ACBD6: variants seen among roughly 807,000 people sequenced by gnomAD.
ACBD6 encodes acyl-CoA binding domain containing 6.
In ACBD6, 28 loss-of-function variants were observed where a neutral mutation model predicts 37.2. That is an observed-to-expected ratio of 0.75 (90% confidence interval 0.56 to 1.03). The LOEUF is 1.03. Ranked by LOEUF, ACBD6 falls within the 50% of genes least tolerant of loss-of-function variation. ACBD6 has a pLI of 0.00. For missense variants in ACBD6, 340 were observed against 337.4 expected (o/e 1.01, Z -0.06); for synonymous variants, 113 against 126.8 (o/e 0.89, Z 0.73).
chr1:180,385,129 T>C (rs910639626), intron 6 of ACBD6, among the ~76,000 whole-genome samples: 7 of 151,990 alleles, frequency 4.6e-5, no homozygotes, highest in Admixed American at 4.6e-4. Flanking sequence ...GCATTGTATA[T>C]TTCAAGGCAG....
intron 6 of ACBD6, among the ~76,000 whole-genome samples, chr1:180,353,918 T>C (rs1377938634): frequency 6.6e-6 from 1 of 152,084 alleles, no homozygotes; most frequent in African/African-American, 2.4e-5. Context: ...CTCCCTTTCA[T>C]CCACACTTTT....
At chr1:180,480,876 C>G (rs893003744) in intron 3 of ACBD6, among the ~76,000 whole-genome samples, 2 of 151,946 alleles carry the variant, frequency 1.3e-5, no homozygotes, top group East Asian at 1.9e-4. Context: ...ACTGAAAATA[C>G]AAAAATTAAC....
chr1:180,435,074 G>C, intron 3 of ACBD6: 1 of 802,156 alleles, frequency 1.2e-6, no homozygotes, highest in Non-Finnish European at 2.3e-6. Context: ...CACATGATCT[G>C]AAGCTTACCT....
chr1:180,440,295 G>C (rs2102012097), intron 3 of ACBD6, among the ~76,000 whole-genome samples: 1 of 152,094 alleles, frequency 6.6e-6, no homozygotes, highest in Middle Eastern at 3.4e-3. Flanking sequence ...TTTTAGTAGA[G>C]ATGGGGTTGC....
intron 4 of ACBD6, among the ~76,000 whole-genome samples, chr1:180,423,609 GA>G (rs138892505): frequency 0.014 from 2,182 of 151,846 alleles, 64 homozygotes; most frequent in African/African-American, 0.049. Flanking sequence ...TATTGACAAA[GA>G]AAAAAATCAA....
chr1:180,402,812 A>G (rs549016178), intron 5 of ACBD6, among the ~76,000 whole-genome samples: 2 of 152,022 alleles, frequency 1.3e-5, no homozygotes, highest in African/African-American at 4.8e-5. Flanking sequence ...GAAAAAAAAA[A>G]AAATCCCTTC....
intron 9 of ACBD6, among the ~76,000 whole-genome samples, chr1:180,280,173 G>A (rs944887688): frequency 6.6e-6 from 1 of 152,178 alleles, no homozygotes; most frequent in African/African-American, 2.4e-5. Flanking sequence ...ATAGAGTCTT[G>A]TTAGGGAGAG....
downstream of ACBD6, chr1:180,287,374 C>T (rs1043706715): frequency 6.9e-6 from 1 of 145,392 alleles, no homozygotes; most frequent in Non-Finnish European, 1.5e-5. Flanking sequence ...CATACCACTG[C>T]ACTTCAGCCT....
intron 6 of ACBD6, among the ~76,000 whole-genome samples, chr1:180,369,882 GAACA>G (rs780894514): frequency 7.9e-5 from 12 of 152,114 alleles, no homozygotes; most frequent in Non-Finnish European, 1.3e-4. Context: ...AGTTTCTAGA[GAACA>G]AATAAGCATA....
At chr1:180,328,031 T>C (rs1463133616) in intron 6 of ACBD6, among the ~76,000 whole-genome samples, 2 of 152,204 alleles carry the variant, frequency 1.3e-5, no homozygotes, top group East Asian at 1.9e-4. Context: ...AAATGAGGTG[T>C]TGACGAAAAT....
chr1:180,312,054 G>A (rs1326974682), intron 7 of ACBD6, among the ~76,000 whole-genome samples: 3 of 152,126 alleles, frequency 2.0e-5, no homozygotes, highest in African/African-American at 7.2e-5. Context: ...AATTGCCTTA[G>A]ATATTCCTGG....
chr1:180,290,097 T>C (rs140793381), intron 7 of ACBD6, among the ~76,000 whole-genome samples: 415 of 152,338 alleles, frequency 2.7e-3, no homozygotes, highest in Non-Finnish European at 5.1e-3. Context: ...ACATTTTATA[T>C]ACTCTTTTGC....
intron 3 of ACBD6, among the ~76,000 whole-genome samples, chr1:180,448,239 T>A (rs1183315365): frequency 2.8e-4 from 43 of 152,214 alleles, no homozygotes; most frequent in Non-Finnish European, 5.9e-5. Flanking sequence ...AAGCACATAT[T>A]AATTATTTTC....
chr1:180,490,414 G>T (rs1378980577), intron 3 of ACBD6, among the ~76,000 whole-genome samples: 1 of 151,860 alleles, frequency 6.6e-6, no homozygotes, highest in East Asian at 1.9e-4. Flanking sequence ...AGGCCGAAGC[G>T]GGTGGATCAC....
In ACBD6 at chr1:180,384,109, T is replaced by C. The variant is rs185049482; in HGVS notation, c.663+13407A>G. ...GAACTTGGTCTAGACAATGGTTTTA[T>C]GGCTAAGACTTTGAAAGCAGAGATT... On this transcript the variant is annotated intron_variant, in intron 6 of 7. Transcript: ENST00000367595. Among the ~76,000 whole-genome samples the C allele has an allele frequency of 3.4e-4, 52 of 150,916 alleles. 1 individual carries two copies. The East Asian group carries it at 9.7e-3, about 28-fold the overall frequency.
At chr1:180,273,587 A>G (rs1648824679) in intron 11 of ACBD6, 1 of 152,490 alleles carries the variant, frequency 6.6e-6, no homozygotes, top group African/African-American at 2.4e-5. Context: ...AAGAAAAAAG[A>G]AGGTTCATTT....
chr1:180,277,064 A>G (rs1649079853), intron 9 of ACBD6: 1 of 150,288 alleles, frequency 6.7e-6, no homozygotes, highest in Non-Finnish European at 1.5e-5. Context: ...CCTTGAGAGC[A>G]CTGGCCTGAA....
intron 6 of ACBD6, among the ~76,000 whole-genome samples, chr1:180,368,149 C>T (rs1425830594): frequency 1.3e-5 from 2 of 152,028 alleles, no homozygotes; most frequent in Non-Finnish European, 2.9e-5. Context: ...GTGATATTGA[C>T]CTTTTTTTTC....
At chr1:180,351,829 G>C (rs1002441613) in intron 6 of ACBD6, among the ~76,000 whole-genome samples, 1 of 152,100 alleles carries the variant, frequency 6.6e-6, no homozygotes, top group Non-Finnish European at 1.5e-5. Flanking sequence ...GCAGGGACTT[G>C]AACAGGTATT....
Sources: allele counts gnomAD v4.1 joint callset (sites outside exome capture counted in the v4.1 genomes callset), GRCh38; gene constraint gnomAD v4.1.1; transcripts MANE v1.5; gene names NCBI Gene and HGNC (gene_info 2026-07-23, HGNC 2026-07-21).